LRRC45: variants seen among roughly 807,000 people sequenced by gnomAD.
The protein encoded by LRRC45 is leucine-rich repeat-containing protein 45.
A neutral mutation model predicts 85.4 loss-of-function variants in LRRC45; 73 were observed. The ratio of observed to expected loss-of-function variants is 0.85; its 90% CI spans 0.71 to 1.04. The LOEUF (loss-of-function observed/expected upper bound fraction) is 1.04. Ranked by LOEUF, LRRC45 falls within the 50% of genes least tolerant of loss-of-function variation. The pLI is 0.00. For missense variants in LRRC45, 937 were observed against 883.3 expected (o/e 1.06, Z -0.77); for synonymous variants, 429 against 386.0 (o/e 1.11, Z -1.31).
chr17:82,028,793 T>C, intron 12 of LRRC45, 110 bp downstream of exon 12: 1 of 1,240,252 alleles, frequency 8.1e-7, no homozygotes, highest in Non-Finnish European at 1.1e-6. Flanking sequence ...CTTGGGTCAC[T>C]GGGTGGCCGT....
chr17:82,024,632 T>G, intron 2 of LRRC45, 61 bp from the exon 3 acceptor site: 1 of 1,517,326 alleles, frequency 6.6e-7, no homozygotes, highest in Non-Finnish European at 8.9e-7. Flanking sequence ...CCTTGGGGCA[T>G]GGGCGGGAAT....
chr17:82,028,624 A>G lies in LRRC45; in HGVS notation c.1249A>G (p.Met417Val), dbSNP rs1178529557. The change falls in exon 12 of 17, where the codon ATG (methionine) becomes GTG (valine). Residue 417 changes from methionine to valine, a missense_variant. Physicochemically the swap from Met to Val is conservative, Grantham distance 21. Transcript: ENST00000306688. The part of the protein sequence containing the change: ...RAIQAEERLD[M>V]EKRRCRQSLE... ...CCCTGGGCTTCCAGAGCGCCTGGAC[A>G]TGGAGAAGAGAAGATGCAGACAGAG... 8 of 1,612,890 alleles carry G rather than the reference A, an allele frequency of 5.0e-6. No homozygotes were observed. The highest frequency in any genetic ancestry group is 2.7e-5 in the African/African-American group (2 of 75,060).
At chr17:82,027,528 C>A in intron 7 of LRRC45, 84 bp downstream of exon 7, 1 of 1,580,280 alleles carries the variant, frequency 6.3e-7, no homozygotes, top group Non-Finnish European at 8.7e-7. Context: ...CCTGAGCCCA[C>A]GAGTGAGGCC....
At chr17:82,027,898 G>A (rs1422960974) in intron 8 of LRRC45, 113 bp from the exon 9 acceptor site, 1 of 1,513,774 alleles carries the variant, frequency 6.6e-7, no homozygotes, top group Non-Finnish European at 8.9e-7. Context: ...TCCTGGAGGA[G>A]GCGGGTGCTG....
chr17:82,031,012 G>T lies in LRRC45; in HGVS notation c.*207G>T. 1 of 401,004 alleles carries T rather than the reference G, an allele frequency of 2.5e-6. No individual in the cohort carries two copies. The highest frequency in any genetic ancestry group is 1.4e-4 in the South Asian group (1 of 7,380). 24.8% of individuals were successfully genotyped at this position (401,004 alleles called of 1,614,324 possible). A position where few individuals can be genotyped will look rare whatever the true frequency, so the allele number is the denominator to read the frequency against. On this transcript the variant is annotated 3_prime_UTR_variant, in exon 17 of 17. Coordinates refer to ENST00000306688, the MANE Select transcript of LRRC45 (RefSeq NM_144999.4). ...GGCTCCCTACCGGCCCCTTCTTCCC[G>T]GTCGACGCCACGTGGGAGCACACCG...
chr17:82,023,321 G>C lies in LRRC45; in HGVS notation c.-323G>C, dbSNP rs935786771. ...GCGCGCCTTGTTCTTCCTGGATACTGAGGCCCCGACGCGGCTGTCGCGAGG... is the reference window on the plus strand; with the variant it reads ...GCGCGCCTTGTTCTTCCTGGATACTCAGGCCCCGACGCGGCTGTCGCGAGG... On this transcript the variant is annotated 5_prime_UTR_variant, in exon 1 of 17. Coordinates refer to ENST00000306688, the MANE Select transcript of LRRC45 (RefSeq NM_144999.4). The C allele has an allele frequency of 2.2e-6, 1 of 459,504 alleles. No individual in the cohort carries two copies. The highest frequency in any genetic ancestry group is 4.2e-5 in the Admixed American group (1 of 23,950). 28.5% of individuals were successfully genotyped at this position (459,504 alleles called of 1,614,324 possible).
chr17:82,025,241 G>T, intron 4 of LRRC45, 63 bp downstream of exon 4: 2 of 1,539,028 alleles, frequency 1.3e-6, no homozygotes. Flanking sequence ...GCTCTGGGAA[G>T]TGAGGGGCTA....
At position 82,026,552 on chromosome 17, in the gene LRRC45, G is replaced by T. The variant is rs539364105; in HGVS notation, c.662-347G>T. Among the ~76,000 whole-genome samples the T allele has an allele frequency of 2.8e-3, 384 of 136,486 alleles. 2 individuals are homozygous for T. Among genetic ancestry groups the T allele is most frequent in the African/African-American group, 0.01 (364 of 35,108 alleles). The allele number at this position is 136,486 out of a possible 152,430, so 89.5% of individuals were successfully genotyped here. The stretch of plus-strand genomic sequence containing the variant: ...TCCTGAGGCTAAGCAGCCCCGGGGT[G>T]ACACAGCTCCTTTGTGTGTGTGTGT... On this transcript the variant is annotated intron_variant, in intron 5 of 16. Transcript: ENST00000306688.
Position 82,023,720 on chromosome 17 carries a change from A to G in LRRC45, c.77A>G (p.Gln26Arg), listed in dbSNP as rs759217884. ...GAEPQEAVLQ[Q>R]LHQLPRGRLD... ...GAGCCCCAGGAGGCTGTCCTGCAGC[A>G]GCTGCACCAGCTTCCCAGGGGCCGG... Residue 26 changes from glutamine (Q) to arginine (R), a missense_variant, in exon 1 of 17, where the codon CAG becomes CGG. Transcript: ENST00000306688. 6.5e-7 allele frequency: 1 copy of G among 1,550,160 alleles called. No individual in the cohort carries two copies. The highest frequency in any genetic ancestry group is 1.4e-5 in the African/African-American group (1 of 73,834).
Position 82,030,250 on chromosome 17 carries a change from TCCGGTGGGGGG to T in LRRC45, c.1668+15_1668+25del. On this transcript the variant is annotated intron_variant, in intron 15 of 16. Coordinates refer to ENST00000306688, the MANE Select transcript of LRRC45 (RefSeq NM_144999.4). ...AAGAGCTGCAGCAGGTAGGCGGGGC[TCCGGTGGGGGG>T]CCCCGGGCGTGCTAGCCCCCAACCC... 6.5e-7 allele frequency: 1 copy of T among 1,533,638 alleles called. No individual in the cohort carries two copies. Among genetic ancestry groups the T allele is most frequent in the Non-Finnish European group, 8.8e-7 (1 of 1,135,896 alleles).
At chr17:82,028,367 G>A (rs1471813390) in intron 10 of LRRC45, 30 bp from the exon 11 acceptor site, 4 of 1,610,232 alleles carry the variant, frequency 2.5e-6, no homozygotes, top group Non-Finnish European at 3.4e-6. Context: ...GGGCTGGGCT[G>A]CAGCTTCCCT....
Position 82,030,072 on chromosome 17 carries a change from G to C in LRRC45, c.1502G>C (p.Arg501Pro). 6.5e-7 allele frequency: 1 copy of C among 1,544,578 alleles called. No homozygotes were observed. Among genetic ancestry groups the C allele is most frequent in the Non-Finnish European group, 8.7e-7 (1 of 1,146,896 alleles). ...CGGCCCCTGTGCTCACAGCAACAGC[G>C]CCTGGCTCACCTGGAGGACAAGCTG... Reference protein sequence around the residue: ...KSQARLEEQQRLAHLEDKLRL... With the variant: ...KSQARLEEQQPLAHLEDKLRL... Residue 501 changes from arginine (R) to proline (P), a missense_variant, in exon 15 of 17, where the codon CGC (arginine) becomes CCC (proline). By Grantham distance (103) the Arg-to-Pro change is moderately radical (BLOSUM62 -2). Coordinates refer to ENST00000306688, the MANE Select transcript of LRRC45 (RefSeq NM_144999.4).
intron 11 of LRRC45, 23 bp from the exon 12 acceptor site, chr17:82,028,590 C>G (rs1454879127): frequency 6.2e-7 from 1 of 1,612,690 alleles, no homozygotes; most frequent in Non-Finnish European, 8.5e-7. Context: ...CTCACGCATA[C>G]TCTGCCCACC....
intron 5 of LRRC45, 82 bp downstream of exon 5, chr17:82,025,589 C>T (rs768825198): frequency 1.7e-4 from 238 of 1,437,462 alleles, no homozygotes; most frequent in Non-Finnish European, 2.0e-4. Context: ...GGGCTCAGGA[C>T]GGGAACTGAT....
chr17:82,024,389 A>G (rs760683111), intron 2 of LRRC45, 50 bp downstream of exon 2: 1 of 1,605,560 alleles, frequency 6.2e-7, no homozygotes, highest in African/African-American at 1.3e-5. Context: ...CAAGGGCAAG[A>G]GGAGAGGTGG....
chr17:82,024,930 G>A (rs964652853), intron 3 of LRRC45, 70 bp from the exon 4 acceptor site: 72 of 1,460,670 alleles, frequency 4.9e-5, no homozygotes, highest in Admixed American at 1.3e-4. Context: ...GCCCACACCC[G>A]TCCCCAAGCC....
intron 12 of LRRC45, 42 bp downstream of exon 12, chr17:82,028,725 C>T (rs1248672516): frequency 6.4e-7 from 1 of 1,574,610 alleles, no homozygotes; most frequent in African/African-American, 1.4e-5. Context: ...AGTCTCTGGT[C>T]TTGGTGTCAC....
At chr17:82,027,569 G>A (rs2043379524) in intron 7 of LRRC45, 105 bp from the exon 8 acceptor site, 1 of 1,538,248 alleles carries the variant, frequency 6.5e-7, no homozygotes, top group Non-Finnish European at 8.9e-7. Context: ...TCAGTGCCCA[G>A]GCGACCATAG....
intron 14 of LRRC45, 42 bp from the exon 15 acceptor site, chr17:82,030,012 AGCTGAGCTCAG>A (rs1380324673): frequency 3.6e-5 from 53 of 1,480,422 alleles, no homozygotes; most frequent in Admixed American, 4.6e-5. Flanking sequence ...ACATTCCCTC[AGCTGAGCTCAG>A]GCTGAGCCCC....
Sources: gnomAD v4.1 joint callset for allele counts (sites outside exome capture counted in the v4.1 genomes callset) on GRCh38, gnomAD v4.1.1 for gene constraint, MANE v1.5 for transcripts, NCBI Gene and HGNC (gene_info 2026-07-23, HGNC 2026-07-21) for gene names.